The following CREBRF variants were observed in gnomAD, a reference collection of about 807,000 sequenced individuals.
The protein encoded by CREBRF is CREB3 regulatory factor, also known as UPF0474 protein C5orf41.
CREBRF carries 5 observed loss-of-function variants against 66.1 expected under a neutral mutation model. That is an observed-to-expected ratio of 0.08 (90% CI 0.04 to 0.16). The LOEUF (loss-of-function observed/expected upper bound fraction) is 0.16. Ranked by LOEUF, CREBRF falls within the 10% of genes least tolerant of loss-of-function variation. The pLI is 1.00. For synonymous variants in CREBRF, 229 were observed against 264.4 expected (o/e 0.87, Z 1.30); for missense variants, 531 against 744.9 (o/e 0.71, Z 3.34).
At chr5:173,060,272 C>G (rs1757229484) in intron 1 of CREBRF, 1 of 149,440 alleles carries the variant, frequency 6.7e-6, no homozygotes, top group African/African-American at 2.5e-5. Context: ...ACTGCGTTGC[C>G]CAGGTTGGAG....
At chr5:173,066,838 CAG>C (rs1327473286) in intron 1 of CREBRF, among the ~76,000 whole-genome samples, 2 of 93,474 alleles carry the variant, frequency 2.1e-5, no homozygotes, top group African/African-American at 4.3e-5. Context: ...TTTTTTGAGA[CAG>C]GGTCTCATTC....
intron 1 of CREBRF, among the ~76,000 whole-genome samples, chr5:173,061,951 T>C (rs1484077488): frequency 6.6e-6 from 1 of 152,210 alleles, no homozygotes; most frequent in Admixed American, 6.5e-5. Context: ...CGTAAAAGTT[T>C]AGAAAAGAGA....
At chr5:173,102,384 G>A (rs968143221) in intron 4 of CREBRF, among the ~76,000 whole-genome samples, 3 of 152,090 alleles carry the variant, frequency 2.0e-5, no homozygotes, top group Non-Finnish European at 4.4e-5. Flanking sequence ...CCCTTCACTT[G>A]TCAGGTCATC....
chr5:173,059,202 G>A (rs1033170530), intron 1 of CREBRF, among the ~76,000 whole-genome samples: 1 of 149,864 alleles, frequency 6.7e-6, no homozygotes, highest in African/African-American at 2.5e-5. Context: ...GAATTCTTAC[G>A]TATAACTTTT....
intron 1 of CREBRF, 140 bp downstream of exon 1, chr5:173,056,619 C>A (rs999696278): frequency 4.1e-5 from 16 of 387,612 alleles, no homozygotes; most frequent in Non-Finnish European, 6.8e-5. Context: ...GGGGCCGGGA[C>A]CACGGCCGAG....
intron 8 of CREBRF, among the ~76,000 whole-genome samples, chr5:173,130,864 C>T (rs1242587233): frequency 6.6e-6 from 1 of 152,092 alleles, no homozygotes; most frequent in Admixed American, 6.5e-5. Context: ...ACCACCATGC[C>T]TGGCTAATGT....
intron 4 of CREBRF, among the ~76,000 whole-genome samples, chr5:173,099,170 T>C (rs1318180617): frequency 6.6e-6 from 1 of 152,198 alleles, no homozygotes; most frequent in Non-Finnish European, 1.5e-5. Context: ...CTTTTTATTT[T>C]TTTGAGACAG....
chr5:173,073,383 T>A (rs1757652417), intron 1 of CREBRF, among the ~76,000 whole-genome samples: 1 of 152,230 alleles, frequency 6.6e-6, no homozygotes, highest in South Asian at 2.1e-4. Flanking sequence ...TTCACCAAGT[T>A]GTTTTATTAA....
intron 1 of CREBRF, among the ~76,000 whole-genome samples, chr5:173,056,841 C>A (rs1013813998): frequency 5.9e-5 from 9 of 151,814 alleles, no homozygotes; most frequent in African/African-American, 2.2e-4. Flanking sequence ...GAGCCCGGGG[C>A]CGCTGCTGCC....
chr5:173,059,626 C>T (rs1757206865), intron 1 of CREBRF, among the ~76,000 whole-genome samples: 1 of 151,126 alleles, frequency 6.6e-6, no homozygotes, highest in Admixed American at 6.6e-5. Flanking sequence ...CTTACAATGC[C>T]CTAATTAGTT....
intron 4 of CREBRF, among the ~76,000 whole-genome samples, chr5:173,098,760 G>A (rs569465746): frequency 1.9e-4 from 29 of 151,868 alleles, no homozygotes; most frequent in African/African-American, 6.8e-4. Context: ...CATTTACTTA[G>A]GTGCTTTGAT....
chr5:173,086,355 A>G (rs1280134190), intron 2 of CREBRF, 146 bp from the exon 3 acceptor site: 4 of 729,470 alleles, frequency 5.5e-6, no homozygotes, highest in East Asian at 2.6e-5. Flanking sequence ...CAAAGCTCTT[A>G]AATATACTAT....
chr5:173,066,265 A>T (rs1240837639), intron 1 of CREBRF, among the ~76,000 whole-genome samples: 3 of 152,172 alleles, frequency 2.0e-5, no homozygotes, highest in Admixed American at 2.0e-4. Context: ...CATTTCTGTG[A>T]ATTTCTTTTT....
chr5:173,073,301 G>C (rs1308927305), intron 1 of CREBRF, among the ~76,000 whole-genome samples: 2 of 152,178 alleles, frequency 1.3e-5, no homozygotes, highest in Admixed American at 1.3e-4. Flanking sequence ...GACAGGGACT[G>C]GGGGATAGTG....
At chr5:173,130,235 TAGTGCTGTCATCAAA>T (rs1021946212) in intron 8 of CREBRF, among the ~76,000 whole-genome samples, 2 of 152,244 alleles carry the variant, frequency 1.3e-5, no homozygotes, top group African/African-American at 4.8e-5. Context: ...TGTTTGGTTT[TAGTGCTGTCATCAAA>T]AGATCTGCTA....
rs911997373 is a variant in CREBRF at position 173,137,733 on chromosome 5, T to C, written c.*3988T>C. The C allele has an allele frequency of 6.6e-6, 1 of 152,020 alleles. No homozygotes were observed. Among genetic ancestry groups the C allele is most frequent in the African/African-American group, 2.4e-5 (1 of 41,440 alleles). The allele number at this position is 152,020 out of a possible 1,614,324, so 9.4% of individuals were successfully genotyped here. A position where few individuals can be genotyped will look rare whatever the true frequency, so the allele number is the denominator to read the frequency against. ...ACAATGATCTGATGTTTGCCTTCAT[T>C]AATAAAGCTGTTAGTTTATTCACCA... On this transcript the variant is annotated 3_prime_UTR_variant, in exon 9 of 9. Coordinates refer to ENST00000296953, the MANE Select transcript of CREBRF (RefSeq NM_153607.3).
At chr5:173,126,461 G>A (rs1027838815) in intron 8 of CREBRF, among the ~76,000 whole-genome samples, 6 of 151,972 alleles carry the variant, frequency 3.9e-5, no homozygotes, top group South Asian at 4.2e-4. Context: ...GTTTTATCAC[G>A]GCTTGCTCCT....
intron 4 of CREBRF, chr5:173,091,894 G>T (rs1456701823): frequency 8.1e-6 from 4 of 491,102 alleles, no homozygotes; most frequent in Non-Finnish European, 1.1e-5. Flanking sequence ...AGACCAGCCC[G>T]GCCAACACAG....
At chr5:173,131,066 G>A (rs1759413010) in intron 8 of CREBRF, among the ~76,000 whole-genome samples, 1 of 152,112 alleles carries the variant, frequency 6.6e-6, no homozygotes, top group Non-Finnish European at 1.5e-5. Context: ...CCCAGGCTAA[G>A]CTCAAGTGAT....
Sources: allele counts gnomAD v4.1 joint callset (sites outside exome capture counted in the v4.1 genomes callset), GRCh38; gene constraint gnomAD v4.1.1; transcripts MANE v1.5; gene names NCBI Gene and HGNC (gene_info 2026-07-23, HGNC 2026-07-21).